The following BNC2 variants were observed in gnomAD, a reference collection of about 807,000 sequenced individuals.
BNC2 encodes zinc finger protein basonuclin-2.
Under a neutral mutation model 76.3 loss-of-function variants are expected in BNC2, and 20 were observed. That is an observed-to-expected ratio of 0.26 (90% confidence interval 0.18 to 0.38). The LOEUF is 0.38. Ranked by LOEUF, BNC2 falls within the 10% of genes least tolerant of loss-of-function variation. The probability of loss-of-function intolerance (pLI) is 1.00; values close to 1 mark genes in which losing one functional copy is unlikely to be tolerated. For synonymous variants in BNC2, 582 were observed against 514.8 expected (o/e 1.13, Z -1.77); for missense variants, 1,382 against 1,399.8 (o/e 0.99, Z 0.20).
intron 3 of BNC2, among the ~76,000 whole-genome samples, chr9:16,707,385 C>A (rs1823711040): frequency 6.6e-6 from 1 of 152,134 alleles, no homozygotes; most frequent in Admixed American, 6.5e-5. Flanking sequence ...AGGTTAATTT[C>A]TATTTTAGTC....
At chr9:16,833,249 A>C (rs1000027889) in intron 1 of BNC2, among the ~76,000 whole-genome samples, 2 of 152,086 alleles carry the variant, frequency 1.3e-5, no homozygotes, top group Non-Finnish European at 2.9e-5. Flanking sequence ...TCTTAGAAGC[A>C]CTCTGCCTTC....
rs148271228 is a variant in BNC2 at position 16,629,621 on chromosome 9, C to T, written c.331-46536G>A. Among the ~76,000 whole-genome samples, 360 of 152,268 alleles carry T rather than the reference C, an allele frequency of 2.4e-3. 2 individuals carry two copies. The highest frequency in any genetic ancestry group is 8.2e-3 in the African/African-American group (339 of 41,536). On this transcript the variant is annotated intron_variant, in intron 3 of 6. Transcript: ENST00000380672. ...CATCTGCAGGCAAACATCGGACGAA[C>T]TCAGGTTCCACTCCAAACCACCACA... is the stretch of plus-strand genomic sequence containing the variant.
intron 4 of BNC2, among the ~76,000 whole-genome samples, chr9:16,557,994 C>T (rs889697381): frequency 6.6e-6 from 1 of 152,040 alleles, no homozygotes; most frequent in African/African-American, 2.4e-5. Context: ...GAGGTGCATG[C>T]CACCATACCC....
At chr9:16,425,157 A>T (rs1293895423) in intron 6 of BNC2, among the ~76,000 whole-genome samples, 1 of 152,190 alleles carries the variant, frequency 6.6e-6, no homozygotes, top group Non-Finnish European at 1.5e-5. Context: ...CAGTCATTTC[A>T]ACCCCTTTCA....
At chr9:16,519,773 T>C (rs1817557312) in intron 5 of BNC2, among the ~76,000 whole-genome samples, 1 of 152,306 alleles carries the variant, frequency 6.6e-6, no homozygotes, top group Admixed American at 6.5e-5. Flanking sequence ...GTGAGGTTCA[T>C]GGAGGTTAAG....
At position 16,611,908 on chromosome 9, in the gene BNC2, C is replaced by A. The variant is rs12340628; in HGVS notation, c.331-28823G>T. 6.5e-3 allele frequency among the ~76,000 whole-genome samples: 995 copies of A among 152,150 alleles called. 9 individuals are homozygous for A. Among genetic ancestry groups the A allele is most frequent in the African/African-American group, 0.022 (909 of 41,548 alleles). ...ACAAAATAAATAACTCGAGGAAGAA[C>A]AAATATTCCTCCATATAAAAATAAC... is the stretch of plus-strand genomic sequence containing the variant. On this transcript the variant is annotated intron_variant, in intron 3 of 6. Transcript: ENST00000380672.
intron 5 of BNC2, among the ~76,000 whole-genome samples, chr9:16,518,702 G>A (rs940808584): frequency 2.6e-5 from 4 of 152,030 alleles, no homozygotes; most frequent in African/African-American, 4.8e-5. Context: ...CCGGGTTCAC[G>A]TGATTCTCCT....
At chr9:16,847,856 A>T (rs1819026395) in intron 1 of BNC2, among the ~76,000 whole-genome samples, 1 of 152,240 alleles carries the variant, frequency 6.6e-6, no homozygotes, top group African/African-American at 2.4e-5. Flanking sequence ...TTTAAAATAA[A>T]GTATGATTAA....
intron 3 of BNC2, among the ~76,000 whole-genome samples, chr9:16,679,987 T>C (rs1224463419): frequency 2.6e-5 from 4 of 152,250 alleles, no homozygotes; most frequent in African/African-American, 7.2e-5. Context: ...TTAGTAATTT[T>C]GTTTCGCATA....
At chr9:16,786,143 T>A (rs1160826644) in intron 1 of BNC2, among the ~76,000 whole-genome samples, 1 of 152,224 alleles carries the variant, frequency 6.6e-6, no homozygotes, top group African/African-American at 2.4e-5. Flanking sequence ...TCTAAGAATC[T>A]CATTTGACAG....
chr9:16,546,765 T>C (rs1421331924), intron 5 of BNC2, among the ~76,000 whole-genome samples: 1 of 152,172 alleles, frequency 6.6e-6, no homozygotes, highest in African/African-American at 2.4e-5. Flanking sequence ...GCCTCTTCTC[T>C]TCCCCCAAAT....
intron 5 of BNC2, among the ~76,000 whole-genome samples, chr9:16,444,532 G>A (rs1286288898): frequency 2.6e-5 from 4 of 152,056 alleles, no homozygotes; most frequent in Non-Finnish European, 4.4e-5. Flanking sequence ...CTAACTTCTG[G>A]ATCACCTCAG....
chr9:16,530,175 T>G (rs191126576), intron 5 of BNC2, among the ~76,000 whole-genome samples: 291 of 151,956 alleles, frequency 1.9e-3, no homozygotes, highest in Middle Eastern at 0.01. Context: ...TTTGTTTTTT[T>G]TTTTAAAAAA....
intron 5 of BNC2, among the ~76,000 whole-genome samples, chr9:16,477,094 G>T (rs1821943759): frequency 6.6e-6 from 1 of 152,118 alleles, no homozygotes; most frequent in South Asian, 2.1e-4. Context: ...GAGAGAAAAA[G>T]ACCTCTCCCT....
chr9:16,521,315 CCCA>C (rs1191771682), intron 5 of BNC2, among the ~76,000 whole-genome samples: 1 of 152,154 alleles, frequency 6.6e-6, no homozygotes, highest in African/African-American at 2.4e-5. Context: ...GTACCCACAA[CCCA>C]ACTGAAATCT....
intron 3 of BNC2, among the ~76,000 whole-genome samples, chr9:16,592,214 G>A (rs542267356): frequency 1.8e-3 from 268 of 152,210 alleles, no homozygotes; most frequent in Non-Finnish European, 2.9e-3. Flanking sequence ...GATTCACTGG[G>A]AAAAGTTGAC....
intron 3 of BNC2, among the ~76,000 whole-genome samples, chr9:16,605,341 G>C (rs1312378745): frequency 6.6e-6 from 1 of 152,182 alleles, no homozygotes; most frequent in Non-Finnish European, 1.5e-5. Context: ...ACTCTGAATG[G>C]ACAAACTCAG....
chr9:16,577,443 G>T (rs371234323), intron 4 of BNC2, among the ~76,000 whole-genome samples: 1 of 152,082 alleles, frequency 6.6e-6, no homozygotes, highest in Non-Finnish European at 1.5e-5. Context: ...AAAGCTGGTT[G>T]GTATATGATA....
At chr9:16,587,650 C>T (rs1415476) in intron 3 of BNC2, among the ~76,000 whole-genome samples, 132,522 of 152,078 alleles carry the variant, frequency 0.87, 58,672 homozygotes, top group East Asian at 1. Flanking sequence ...TTATTTTCAC[C>T]CTCCTGTCAG....
Sources: allele counts gnomAD v4.1 joint callset (sites outside exome capture counted in the v4.1 genomes callset), GRCh38; gene constraint gnomAD v4.1.1; transcripts MANE v1.5; gene names NCBI Gene and HGNC (gene_info 2026-07-23, HGNC 2026-07-21).